The following ZNF76 variants were observed in gnomAD, a reference collection of about 807,000 sequenced individuals.
ZNF76 encodes the protein zinc finger protein 76.
ZNF76 carries 66 observed loss-of-function variants against 66.9 expected under a neutral mutation model. That is an observed-to-expected ratio of 0.99 (90% confidence interval 0.81 to 1.21). The LOEUF is 1.21. ZNF76 is among the 50% of genes most tolerant of loss of function. The probability of loss-of-function intolerance (pLI) is 0.00; values close to 1 mark genes in which losing one functional copy is unlikely to be tolerated. For missense variants in ZNF76, 729 were observed against 760.3 expected (o/e 0.96, Z 0.48); for synonymous variants, 275 against 296.1 (o/e 0.93, Z 0.73).
chr6:35,273,082 G>A (rs1787350855), intron 1 of ZNF76, among the ~76,000 whole-genome samples: 1 of 151,608 alleles, frequency 6.6e-6, no homozygotes, highest in South Asian at 2.1e-4. Context: ...CTTGAACCCA[G>A]GAAGTGGAGG....
At chr6:35,275,893 C>T (rs17511835) in intron 1 of ZNF76, among the ~76,000 whole-genome samples, 8,095 of 152,174 alleles carry the variant, frequency 0.053, 320 homozygotes, top group Non-Finnish European at 0.086. Flanking sequence ...GAAGTTAACC[C>T]GTATTCAAGT....
intron 5 of ZNF76, 168 bp downstream of exon 5, chr6:35,288,013 C>A: frequency 1.3e-6 from 1 of 775,258 alleles, no homozygotes; most frequent in Non-Finnish European, 2.2e-6. Context: ...GCTCCCCCAA[C>A]TCACCTGTCA....
At chr6:35,266,540 A>C (rs551951171) in intron 1 of ZNF76, among the ~76,000 whole-genome samples, 1 of 152,242 alleles carries the variant, frequency 6.6e-6, no homozygotes, top group East Asian at 1.9e-4. Context: ...TGTTTTTTGG[A>C]TATCAAAGTC....
intron 1 of ZNF76, among the ~76,000 whole-genome samples, chr6:35,265,666 A>G (rs975496): frequency 0.79 from 119,731 of 152,136 alleles, 47,760 homozygotes; most frequent in Non-Finnish European, 0.85. Flanking sequence ...TCTAGGGGAA[A>G]TTTATTCCAG....
intron 7 of ZNF76, 79 bp from the exon 8 acceptor site, chr6:35,291,199 G>A (rs1790322105): frequency 6.5e-7 from 1 of 1,531,744 alleles, no homozygotes; most frequent in East Asian, 2.4e-5. Context: ...GAGGTGGAGA[G>A]CCTGTGCATG....
chr6:35,266,797 C>CTTTT (rs57833954), intron 1 of ZNF76, among the ~76,000 whole-genome samples: 1,762 of 93,254 alleles, frequency 0.019, 7 homozygotes, highest in Non-Finnish European at 0.025. Flanking sequence ...TTGTCTATTT[C>CTTTT]TTTTTTTTTT....
At chr6:35,273,398 C>T (rs1195210239) in intron 1 of ZNF76, among the ~76,000 whole-genome samples, 4 of 150,972 alleles carry the variant, frequency 2.6e-5, no homozygotes, top group Non-Finnish European at 5.9e-5. Context: ...ATCTCGAACT[C>T]CTGACCTCTA....
intron 1 of ZNF76, chr6:35,279,114 A>G (rs1788359050): frequency 6.5e-6 from 1 of 153,062 alleles, no homozygotes; most frequent in African/African-American, 2.4e-5. Context: ...AGGAAGTGGT[A>G]TGTTTAGATT....
chr6:35,265,976 A>G (rs965150163), intron 1 of ZNF76, among the ~76,000 whole-genome samples: 2 of 152,060 alleles, frequency 1.3e-5, no homozygotes, highest in Non-Finnish European at 2.9e-5. Context: ...ATGGAAGGAG[A>G]GAAACTGGTT....
At chr6:35,279,877 G>A (rs1291508939) in intron 1 of ZNF76, 1 of 152,082 alleles carries the variant, frequency 6.6e-6, no homozygotes, top group Non-Finnish European at 1.5e-5. Context: ...TATCACCCAG[G>A]CTGGAATTCA....
intron 1 of ZNF76, among the ~76,000 whole-genome samples, chr6:35,265,095 A>G (rs1785807762): frequency 6.6e-6 from 1 of 152,160 alleles, no homozygotes; most frequent in African/African-American, 2.4e-5. Context: ...GTACTTTTCT[A>G]GGTACTGGGA....
At chr6:35,261,619 C>T (rs999133439) in intron 1 of ZNF76, among the ~76,000 whole-genome samples, 1 of 152,206 alleles carries the variant, frequency 6.6e-6, no homozygotes, top group Non-Finnish European at 1.5e-5. Flanking sequence ...CAAAACCCTA[C>T]TCCATTGCCT....
intron 1 of ZNF76, among the ~76,000 whole-genome samples, chr6:35,260,749 G>C (rs553947919): frequency 6.6e-6 from 1 of 152,088 alleles, no homozygotes; most frequent in Non-Finnish European, 1.5e-5. Flanking sequence ...GATGAGGTTG[G>C]GTTAGATGAT....
intron 1 of ZNF76, among the ~76,000 whole-genome samples, chr6:35,278,992 G>T (rs1788340701): frequency 6.6e-6 from 1 of 152,204 alleles, no homozygotes. Context: ...GAGCCCAGAG[G>T]TGTGAGTGCT....
intron 5 of ZNF76, among the ~76,000 whole-genome samples, chr6:35,289,255 G>A (rs1381023897): frequency 6.6e-6 from 1 of 152,124 alleles, no homozygotes; most frequent in Non-Finnish European, 1.5e-5. Context: ...TACCCCAGGA[G>A]CTAGTGAGAC....
At position 35,287,675 on chromosome 6, in the gene ZNF76, GT is replaced by G; in HGVS notation, c.263del (p.Val88AlafsTer95). On this transcript the variant is annotated frameshift_variant, in exon 5 of 14. Transcript: ENST00000373953. LOFTEE classifies it high-confidence loss of function. The surrounding 1 kb of genome is among the most constrained non-coding windows in gnomAD (Gnocchi z 4.0). ...CTATGACCCCAGCACCCTGGAAGCC[GT>G]CCAACTGGAAGATGGCTCCACTGCC... ...EGYDPSTLEA[V>X]QLEDGSTAYI... 6 of 1,613,846 alleles carry G rather than the reference GT, an allele frequency of 3.7e-6. No individual in the cohort carries two copies. The highest frequency in any genetic ancestry group is 5.1e-6 in the Non-Finnish European group (6 of 1,179,812).
At chr6:35,280,149 G>GT (rs1258818794) in intron 1 of ZNF76, among the ~76,000 whole-genome samples, 1 of 152,148 alleles carries the variant, frequency 6.6e-6, no homozygotes, top group Non-Finnish European at 1.5e-5. Flanking sequence ...CCTTTTGGAA[G>GT]TCCTGTTCTC....
intron 1 of ZNF76, among the ~76,000 whole-genome samples, chr6:35,274,256 T>TTTG (rs1477740851): frequency 6.6e-6 from 1 of 152,252 alleles, no homozygotes; most frequent in Non-Finnish European, 1.5e-5. Context: ...GGCAAATGTT[T>TTTG]TTGTTGTTGT....
intron 1 of ZNF76, among the ~76,000 whole-genome samples, chr6:35,265,844 A>G (rs564589042): frequency 9.2e-4 from 140 of 152,316 alleles, no homozygotes; most frequent in African/African-American, 3.2e-3. Flanking sequence ...ACTGGCTTGT[A>G]GTGTGAGTTG....
Sources: allele counts gnomAD v4.1 joint callset (sites outside exome capture counted in the v4.1 genomes callset), GRCh38; gene constraint gnomAD v4.1.1; non-coding constraint Gnocchi (gnomAD v3.1); transcripts MANE v1.5; gene names NCBI Gene and HGNC (gene_info 2026-07-23, HGNC 2026-07-21).